The following CPE variants were observed in gnomAD, a reference collection of about 807,000 sequenced individuals.
CPE encodes the protein carbocypeptidase E.
In CPE, 17 loss-of-function variants were observed where a neutral mutation model predicts 53.5. The observed-to-expected ratio is 0.32, with a 90% confidence interval of 0.22 to 0.48. The LOEUF (loss-of-function observed/expected upper bound fraction) is 0.48. CPE is among the 20% of genes least tolerant of loss of function. CPE has a pLI of 0.99. For missense variants in CPE, 524 were observed against 614.7 expected, an observed-to-expected ratio of 0.85 and a Z score of 1.56; for synonymous variants, 226 against 228.8, an observed-to-expected ratio of 0.99 and a Z score of 0.11.
intron 7 of CPE, among the ~76,000 whole-genome samples, chr4:165,495,310 C>T (rs753848647): frequency 3.3e-5 from 5 of 152,034 alleles, no homozygotes; most frequent in South Asian, 2.1e-4. Context: ...GATCTATGAT[C>T]GTACGAGGTT....
At chr4:165,412,450 G>A (rs1731057227) in intron 1 of CPE, among the ~76,000 whole-genome samples, 1 of 151,968 alleles carries the variant, frequency 6.6e-6, no homozygotes, top group South Asian at 2.1e-4. Flanking sequence ...AAGAAAACAG[G>A]GATTATTTTA....
intron 3 of CPE, among the ~76,000 whole-genome samples, chr4:165,478,749 C>T (rs1732348389): frequency 6.6e-6 from 1 of 152,184 alleles, no homozygotes. Flanking sequence ...GGATAACAAA[C>T]ACAGGAATAC....
At chr4:165,393,352 T>G (rs1482404307) in intron 1 of CPE, among the ~76,000 whole-genome samples, 1 of 152,178 alleles carries the variant, frequency 6.6e-6, no homozygotes, top group African/African-American at 2.4e-5. Flanking sequence ...TGCAGAAATA[T>G]TTAGTATTTA....
At chr4:165,459,649 A>C (rs774821797) in intron 1 of CPE, among the ~76,000 whole-genome samples, 3 of 122,220 alleles carry the variant, frequency 2.5e-5, no homozygotes, top group Non-Finnish European at 4.9e-5. Context: ...CACGTCTGTA[A>C]TCCCAGCACT....
intron 2 of CPE, among the ~76,000 whole-genome samples, chr4:165,464,878 C>T (rs1732071616): frequency 6.6e-6 from 1 of 152,132 alleles, no homozygotes; most frequent in Admixed American, 6.6e-5. Context: ...ATTTTTGTGA[C>T]TAGGTAAGTT....
chr4:165,420,248 A>G (rs1407382796), intron 1 of CPE, among the ~76,000 whole-genome samples: 2 of 152,176 alleles, frequency 1.3e-5, no homozygotes, highest in Non-Finnish European at 2.9e-5. Flanking sequence ...AAAATGCACC[A>G]AAGTATAAAT....
At chr4:165,409,166 G>A (rs74464785) in intron 1 of CPE, among the ~76,000 whole-genome samples, 4,446 of 152,250 alleles carry the variant, frequency 0.029, 101 homozygotes, top group Middle Eastern at 0.061. Flanking sequence ...TTAAGTGTCA[G>A]ATTATGACAC....
chr4:165,424,565 G>T (rs1049144345), intron 1 of CPE, among the ~76,000 whole-genome samples: 2 of 150,626 alleles, frequency 1.3e-5, no homozygotes, highest in Admixed American at 1.3e-4. Flanking sequence ...ATGGAGTCTC[G>T]CTCTGTAGCC....
At chr4:165,494,819 G>A (rs1314481969) in intron 7 of CPE, among the ~76,000 whole-genome samples, 4 of 152,116 alleles carry the variant, frequency 2.6e-5, no homozygotes, top group South Asian at 2.1e-4. Flanking sequence ...ACCTATTTTT[G>A]CAATGAAATA....
chr4:165,458,453 T>C (rs555892959), intron 1 of CPE, among the ~76,000 whole-genome samples: 1 of 152,362 alleles, frequency 6.6e-6, no homozygotes, highest in African/African-American at 2.4e-5. Context: ...AGTGCACCTA[T>C]ATTTTGGCAA....
chr4:165,405,030 A>G, intron 1 of CPE: 1 of 729,906 alleles, frequency 1.4e-6, no homozygotes, highest in Non-Finnish European at 2.5e-6. Context: ...GACAGCATCC[A>G]TCACCATGTC....
At chr4:165,386,292 G>A (rs1302589747) in intron 1 of CPE, 1 of 503,946 alleles carries the variant, frequency 2.0e-6, no homozygotes, top group Non-Finnish European at 4.0e-6. Context: ...AGCTCCTATA[G>A]CTCCTGTAGC....
intron 1 of CPE, among the ~76,000 whole-genome samples, chr4:165,454,341 G>A (rs1192294034): frequency 1.3e-5 from 2 of 150,364 alleles, no homozygotes; most frequent in African/African-American, 5.0e-5. Context: ...GACACCGCAA[G>A]TCTTTCATGA....
At chr4:165,455,305 A>C (rs1049992572) in intron 1 of CPE, among the ~76,000 whole-genome samples, 3 of 152,176 alleles carry the variant, frequency 2.0e-5, no homozygotes, top group African/African-American at 7.2e-5. Context: ...CTTCTTAGAC[A>C]AATTTATCTT....
chr4:165,427,235 T>C (rs1731336031), intron 1 of CPE, among the ~76,000 whole-genome samples: 1 of 152,232 alleles, frequency 6.6e-6, no homozygotes, highest in Non-Finnish European at 1.5e-5. Context: ...TTTCTCAGGC[T>C]GTTCTTTTGA....
chr4:165,406,812 TG>T (rs1163288360), intron 1 of CPE, among the ~76,000 whole-genome samples: 1 of 152,232 alleles, frequency 6.6e-6, no homozygotes, highest in Non-Finnish European at 1.5e-5. Context: ...ATCGACTTTT[TG>T]TCTCTGTAGA....
At chr4:165,440,961 G>C (rs778764606) in intron 1 of CPE, among the ~76,000 whole-genome samples, 1 of 152,112 alleles carries the variant, frequency 6.6e-6, no homozygotes, top group Admixed American at 6.5e-5. Context: ...GTATAAAAAC[G>C]CTATTGCATC....
chr4:165,458,582 C>G (rs1326519090), intron 1 of CPE, among the ~76,000 whole-genome samples: 1 of 152,190 alleles, frequency 6.6e-6, no homozygotes, highest in Non-Finnish European at 1.5e-5. Context: ...ATACCCTTAA[C>G]CTACTTTTTT....
chr4:165,401,527 C>T (rs1035067381), intron 1 of CPE, among the ~76,000 whole-genome samples: 21 of 152,126 alleles, frequency 1.4e-4, no homozygotes, highest in African/African-American at 3.9e-4. Context: ...AAACCTGTCA[C>T]GTAAGATTTA....
Sources: allele counts gnomAD v4.1 joint callset (sites outside exome capture counted in the v4.1 genomes callset), GRCh38; gene constraint gnomAD v4.1.1; transcripts MANE v1.5; gene names NCBI Gene and HGNC (gene_info 2026-07-23, HGNC 2026-07-21).